Variants in PCDHGC3 observed in about 807,000 individuals in gnomAD.
The protein encoded by PCDHGC3 is protocadherin gamma subfamily C, 3.
PCDHGC3 carries 26 observed loss-of-function variants against 59.2 expected under a neutral mutation model. That is an observed-to-expected ratio of 0.44 (90% confidence interval 0.32 to 0.61). The LOEUF is 0.61. Ranked by LOEUF, PCDHGC3 falls within the 20% of genes least tolerant of loss-of-function variation. PCDHGC3 has a pLI of 0.05. For synonymous variants in PCDHGC3, 487 were observed against 519.7 expected (o/e 0.94, Z 0.86); for missense variants, 1,080 against 1,221.8 (o/e 0.88, Z 1.73).
chr5:141,510,359 T>A (rs1229932307), intron 3 of PCDHGC3, among the ~76,000 whole-genome samples: 3 of 143,318 alleles, frequency 2.1e-5, no homozygotes, highest in African/African-American at 7.7e-5. Flanking sequence ...CTAACGGAAC[T>A]ACCGAATCTC....
rs138463062 is a variant in PCDHGC3 at position 141,485,217 on chromosome 5, C to G, written c.2430+6671C>G. 6.8e-6 allele frequency: 11 copies of G among 1,613,996 alleles called. No individual in the cohort carries two copies. Among genetic ancestry groups the G allele is most frequent in the Non-Finnish European group, 9.3e-6 (11 of 1,179,978 alleles). ...AGCTGGACAGAAATCTGGCGGTGGGCTACCCTTTTGTTCCTCTTTTACCAC... is the reference window on the plus strand; with the variant it reads ...AGCTGGACAGAAATCTGGCGGTGGGGTACCCTTTTGTTCCTCTTTTACCAC... On this transcript the variant is annotated intron_variant, in intron 1 of 3. Coordinates refer to ENST00000308177, the MANE Select transcript of PCDHGC3 (RefSeq NM_002588.4). This position sits in a 1 kb window ranked among gnomAD's most constrained non-coding sequence, Gnocchi z 5.7.
rs192227219 is a variant in PCDHGC3 at position 141,501,899 on chromosome 5, A to G, written c.2490-3494A>G. Among the ~76,000 whole-genome samples the G allele has an allele frequency of 1.0e-3, 159 of 152,024 alleles. 1 individual carries two copies. The highest frequency in any genetic ancestry group is 6.8e-3 in the Middle Eastern group (2 of 294). ...TACACTCCTGATCATCATGGTTCCA[A>G]CCCCACTGTTCCACTCAGCTTTGTT... is the stretch of plus-strand genomic sequence containing the variant. On this transcript the variant is annotated intron_variant, in intron 2 of 3. Transcript: ENST00000308177.
Position 141,478,335 on chromosome 5 carries a change from C to T in PCDHGC3, c.2219C>T (p.Pro740Leu), listed in dbSNP as rs202213361. Residue 740 changes from proline (P) to leucine (L), a missense_variant, in exon 1 of 4, where the codon CCC becomes CTC. Pro to Leu is a moderately conservative substitution (Grantham distance 98). Coordinates refer to ENST00000308177, the MANE Select transcript of PCDHGC3 (RefSeq NM_002588.4). ...PVSSLYRTPG[P>L]SLHADAVRGG... ...AGCTCACTGTACCGAACACCAGGGC[C>T]CTCCTTGCACGCGGACGCCGTGCGG... 4.7e-5 allele frequency: 76 copies of T among 1,613,822 alleles called. No individual in the cohort carries two copies. The highest frequency in any genetic ancestry group is 6.1e-5 in the Non-Finnish European group (72 of 1,180,028).
Position 141,490,888 on chromosome 5 carries a change from C to G in PCDHGC3, c.2431-3919C>G. The G allele has an allele frequency of 1.2e-6, 2 of 1,613,358 alleles. No individual in the cohort carries two copies. The highest frequency in any genetic ancestry group is 1.7e-6 in the Non-Finnish European group (2 of 1,179,390). On this transcript the variant is annotated intron_variant, in intron 1 of 3. Transcript: ENST00000308177. This position sits in a 1 kb window ranked among gnomAD's most constrained non-coding sequence, Gnocchi z 5.4. Reference sequence around the variant, plus strand: ...TCCCCCATTGCATGCCAACACATCTCTGCATGTGTTTGTCCTAGACGAGAA... The same window carrying G: ...TCCCCCATTGCATGCCAACACATCTGTGCATGTGTTTGTCCTAGACGAGAA...
At position 141,512,630 on chromosome 5, in the gene PCDHGC3, G is replaced by C. The variant is rs1335322474; in HGVS notation, c.*1457G>C. On this transcript the variant is annotated 3_prime_UTR_variant, in exon 4 of 4. Transcript: ENST00000308177. ...GGGGCTGCCAGAGAACCCCAGACCT[G>C]CCCTTACAGTAGTGTAGCGCCCCCT... The C allele has an allele frequency of 6.5e-6, 1 of 152,888 alleles. No individual in the cohort carries two copies. Among genetic ancestry groups the C allele is most frequent in the Non-Finnish European group, 1.5e-5 (1 of 68,576 alleles). 9.5% of individuals were successfully genotyped at this position (152,888 alleles called of 1,614,324 possible).
At position 141,510,984 on chromosome 5, in the gene PCDHGC3, C is replaced by A. The variant is rs375865663; in HGVS notation, c.2616C>A (p.Ala872=). 6.2e-7 allele frequency: 1 copy of A among 1,614,162 alleles called. No individual in the cohort carries two copies. The highest frequency in any genetic ancestry group is 8.5e-7 in the Non-Finnish European group (1 of 1,180,012). The part of the protein sequence containing the change: ...ADGSSTLGGG[A]GTMGLSARYG... The stretch of plus-strand genomic sequence containing the variant: ...GGAGCTCCACCCTGGGAGGGGGTGC[C>A]GGCACCATGGGATTGAGCGCCCGCT... Residue 872 remains alanine, a synonymous_variant, in exon 4 of 4, where the codon GCC becomes GCA. Coordinates refer to ENST00000308177, the MANE Select transcript of PCDHGC3 (RefSeq NM_002588.4).
chr5:141,495,921 T>C (rs959070876), intron 2 of PCDHGC3, among the ~76,000 whole-genome samples: 1 of 152,196 alleles, frequency 6.6e-6, no homozygotes, highest in Non-Finnish European at 1.5e-5. Context: ...TCTTTCTTTG[T>C]CTCTGTCTCT....
At chr5:141,499,689 CT>C (rs545067566) in intron 2 of PCDHGC3, among the ~76,000 whole-genome samples, 4,434 of 119,828 alleles carry the variant, frequency 0.037, 46 homozygotes, top group African/African-American at 0.083. Context: ...TAACAGATGA[CT>C]TTTTTTTTTT....
At chr5:141,495,257 A>T (rs1411983517) in intron 2 of PCDHGC3, among the ~76,000 whole-genome samples, 1 of 152,200 alleles carries the variant, frequency 6.6e-6, no homozygotes, top group Non-Finnish European at 1.5e-5. Context: ...CTCAGGCAGA[A>T]AAGCATTTGA....
chr5:141,490,412 C>T lies in PCDHGC3; in HGVS notation c.2431-4395C>T, dbSNP rs2233605. 10 of 1,614,062 alleles carry T rather than the reference C, an allele frequency of 6.2e-6. No homozygotes were observed. The highest frequency in any genetic ancestry group is 4.0e-5 in the African/African-American group (3 of 74,910). Reference sequence around the variant, plus strand: ...GGTGAAGTGAGCCTTGATATCTCTCCGGACCTGCCATTTCAGATTAAGCCT... The same window carrying T: ...GGTGAAGTGAGCCTTGATATCTCTCTGGACCTGCCATTTCAGATTAAGCCT... On this transcript the variant is annotated intron_variant, in intron 1 of 3. Transcript: ENST00000308177. This position sits in a 1 kb window ranked among gnomAD's most constrained non-coding sequence, Gnocchi z 5.4.
At chr5:141,510,831 A>T (rs2154594660) in intron 3 of PCDHGC3, 116 bp from the exon 4 acceptor site, 1 of 1,577,022 alleles carries the variant, frequency 6.3e-7, no homozygotes, top group East Asian at 2.2e-5. Context: ...CCCAGTGCTC[A>T]GCGTGGTCAA....
intron 3 of PCDHGC3, among the ~76,000 whole-genome samples, chr5:141,510,378 C>A (rs919650449): frequency 6.6e-6 from 1 of 151,786 alleles, no homozygotes; most frequent in East Asian, 2.0e-4. Flanking sequence ...TCTACTCGTG[C>A]CAGGCCTTGC....
rs112156044 is a variant in PCDHGC3, at chr5:141,476,771, G to A, written c.655G>A (p.Gly219Arg). The A allele has an allele frequency of 6.2e-7, 1 of 1,613,700 alleles. No homozygotes were observed. The highest frequency in any genetic ancestry group is 1.3e-5 in the African/African-American group (1 of 75,036). Residue 219 changes from glycine to arginine, a missense_variant, in exon 1 of 4, where the codon GGA (glycine) becomes AGA (arginine). By Grantham distance (125) the Gly-to-Arg change is moderately radical (BLOSUM62 -2). Coordinates refer to ENST00000308177, the MANE Select transcript of PCDHGC3 (RefSeq NM_002588.4). The surrounding 1 kb of genome is among the most constrained non-coding windows in gnomAD (Gnocchi z 7.6). ...SLQLVLTALD[G>R]GTPALSASLP... ...CCAGTTAGTGCTGACGGCGTTGGAC[G>A]GAGGGACCCCAGCTCTCTCCGCCAG...
rs1369821635 is a variant in PCDHGC3, at chr5:141,512,208, G to T, written c.*1035G>T. ...TTCAGTCCAAGGAAGCTCGAAGCAG[G>T]TTTAGGACCAGGTCCCCTTGAGAGG... On this transcript the variant is annotated 3_prime_UTR_variant, in exon 4 of 4. Coordinates refer to ENST00000308177, the MANE Select transcript of PCDHGC3 (RefSeq NM_002588.4). 6.5e-6 allele frequency: 1 copy of T among 152,758 alleles called. No homozygotes were observed. The highest frequency in any genetic ancestry group is 2.4e-5 in the African/African-American group (1 of 41,454). The allele number at this position is 152,758 out of a possible 1,614,324, so 9.5% of individuals were successfully genotyped here.
At position 141,487,063 on chromosome 5, in the gene PCDHGC3, G is replaced by T; in HGVS notation, c.2431-7744G>T. The T allele has an allele frequency of 6.2e-7, 1 of 1,614,086 alleles. No homozygotes were observed. ...CTCGATATGCTGGGGAGGTGCGGACGGCTGTTCCTATCCCAGCTGACCTCC... is the reference window on the plus strand; with the variant it reads ...CTCGATATGCTGGGGAGGTGCGGACTGCTGTTCCTATCCCAGCTGACCTCC... On this transcript the variant is annotated intron_variant, in intron 1 of 3. Coordinates refer to ENST00000308177, the MANE Select transcript of PCDHGC3 (RefSeq NM_002588.4). The surrounding 1 kb of genome is among the most constrained non-coding windows in gnomAD (Gnocchi z 5.0).
intron 1 of PCDHGC3, among the ~76,000 whole-genome samples, chr5:141,484,009 T>A (rs1157069536): frequency 7.1e-5 from 1 of 14,094 alleles, no homozygotes; most frequent in African/African-American, 2.8e-4. Flanking sequence ...TGGATGAGGG[T>A]GGGGGTGGGG....
rs183831513 is a variant in PCDHGC3 at position 141,497,605 on chromosome 5, T to A, written c.2489+2740T>A. ...CCCAAGCTGGAGTGCAGTGGTGCGA[T>A]CTTGGCTCACTGCAACCTCTGCCTG... On this transcript the variant is annotated intron_variant, in intron 2 of 3. Coordinates refer to ENST00000308177, the MANE Select transcript of PCDHGC3 (RefSeq NM_002588.4). Among the ~76,000 whole-genome samples, 19 of 151,488 alleles carry A rather than the reference T, an allele frequency of 1.3e-4. No individual in the cohort carries two copies. In the East Asian group the frequency reaches 3.7e-3, roughly 29 times the overall value.
rs1057108915 is a variant in PCDHGC3 at position 141,511,366 on chromosome 5, T to C, written c.*193T>C. The C allele has an allele frequency of 3.8e-6, 5 of 1,306,414 alleles. No individual in the cohort carries two copies. In the Admixed American group the frequency reaches 8.4e-5, roughly 22 times the overall value. The allele number at this position is 1,306,414 out of a possible 1,614,324, so 80.9% of individuals were successfully genotyped here. A position where few individuals can be genotyped will look rare whatever the true frequency, so the allele number is the denominator to read the frequency against. On this transcript the variant is annotated 3_prime_UTR_variant, in exon 4 of 4. Transcript: ENST00000308177. ...CCCTTCCCCCCCAGGGGGTTGAATA[T>C]GCAAAAGCAGTTCCGCTGGGAACCC...
Position 141,487,341 on chromosome 5 carries a change from TC to T in PCDHGC3, c.2431-7465del, listed in dbSNP as rs778559139. Reference sequence around the variant, plus strand: ...TGTCTTCGTGGGGCAGCCTGTGGAGTCACATGCTTTCCTGCTGGCACCTGTG... The same window carrying T: ...TGTCTTCGTGGGGCAGCCTGTGGAGTACATGCTTTCCTGCTGGCACCTGTG... On this transcript the variant is annotated intron_variant, in intron 1 of 3. Transcript: ENST00000308177. This position sits in a 1 kb window ranked among gnomAD's most constrained non-coding sequence, Gnocchi z 5.0. 1 of 1,614,012 alleles carries T rather than the reference TC, an allele frequency of 6.2e-7. No homozygotes were observed. The highest frequency in any genetic ancestry group is 1.1e-5 in the South Asian group (1 of 91,074).
Sources: gnomAD v4.1 joint callset for allele counts (sites outside exome capture counted in the v4.1 genomes callset) on GRCh38, gnomAD v4.1.1 for gene constraint, Gnocchi (gnomAD v3.1) non-coding constraint, MANE v1.5 for transcripts, NCBI Gene and HGNC (gene_info 2026-07-23, HGNC 2026-07-21) for gene names.